The following MCPH1 variants were observed in gnomAD, a reference collection of about 807,000 sequenced individuals.
MCPH1 encodes microcephalin.
Under a neutral mutation model 84.5 loss-of-function variants are expected in MCPH1, and 104 were observed. The observed-to-expected ratio is 1.23, with a 90% CI of 1.05 to 1.45. The LOEUF (loss-of-function observed/expected upper bound fraction) is 1.45, where lower values mean the gene tolerates loss of function less well. MCPH1 is among the 40% of genes most tolerant of loss of function. MCPH1 has a pLI of 0.00. For missense variants in MCPH1, 1,498 were observed against 1,005.7 expected (o/e 1.49, Z -6.62); for synonymous variants, 514 against 366.8 (o/e 1.40, Z -4.58).
intron 12 of MCPH1, among the ~76,000 whole-genome samples, chr8:6,543,688 C>G (rs887187632): frequency 6.6e-6 from 1 of 152,226 alleles, no homozygotes; most frequent in Non-Finnish European, 1.5e-5. Context: ...TCGTGCTTTT[C>G]TGAACTATTT....
intron 12 of MCPH1, among the ~76,000 whole-genome samples, chr8:6,547,209 A>G (rs1487242120): frequency 3.9e-5 from 6 of 152,044 alleles, no homozygotes; most frequent in African/African-American, 1.2e-4. Flanking sequence ...CCATTAGATT[A>G]TACAGAAAAG....
chr8:6,578,038 T>C (rs377079933), intron 12 of MCPH1, among the ~76,000 whole-genome samples: 23 of 152,322 alleles, frequency 1.5e-4, no homozygotes, highest in Middle Eastern at 3.4e-3. Context: ...TCTGCTATGT[T>C]TGGGGAGAGC....
At chr8:6,543,791 G>T (rs1312799003) in intron 12 of MCPH1, among the ~76,000 whole-genome samples, 1 of 152,154 alleles carries the variant, frequency 6.6e-6, no homozygotes, top group African/African-American at 2.4e-5. Flanking sequence ...AAAGCTGCGA[G>T]TTTTTTCATA....
At chr8:6,632,185 A>G (rs540827859) in intron 13 of MCPH1, among the ~76,000 whole-genome samples, 1 of 152,338 alleles carries the variant, frequency 6.6e-6, no homozygotes, top group Non-Finnish European at 1.5e-5. Context: ...AGTAGGCAGG[A>G]AGGGAGTGGA....
intron 9 of MCPH1, 75 bp from the exon 10 acceptor site, chr8:6,477,519 A>T (rs549289900): frequency 1.5e-6 from 2 of 1,342,586 alleles, no homozygotes; most frequent in African/African-American, 1.4e-5. Context: ...AAAACTTATT[A>T]CAGTTTATTT....
intron 9 of MCPH1, chr8:6,474,394 C>T (rs957189145): frequency 3.4e-6 from 1 of 294,908 alleles, no homozygotes; most frequent in African/African-American, 2.2e-5. Flanking sequence ...CTCAGGGAGT[C>T]TGTGGGGTCA....
intron 9 of MCPH1, among the ~76,000 whole-genome samples, chr8:6,471,072 G>A (rs985448813): frequency 3.3e-5 from 5 of 152,064 alleles, no homozygotes; most frequent in Non-Finnish European, 7.4e-5. Context: ...TAAATTTGGG[G>A]GAATGCCTTT....
intron 12 of MCPH1, chr8:6,501,043 A>G (rs1038682181): frequency 6.6e-6 from 1 of 152,206 alleles, no homozygotes; most frequent in African/African-American, 2.4e-5. Flanking sequence ...TCAACTTGAT[A>G]CAAGGCCATG....
chr8:6,407,170 C>T (rs1797850921), intron 1 of MCPH1: 1 of 231,730 alleles, frequency 4.3e-6, no homozygotes, highest in African/African-American at 2.4e-5. Flanking sequence ...TGGGGCCCTC[C>T]TGGGTCTGGT....
chr8:6,411,891 T>C (rs533428410), intron 2 of MCPH1, among the ~76,000 whole-genome samples: 1 of 152,280 alleles, frequency 6.6e-6, no homozygotes, highest in South Asian at 2.1e-4. Context: ...TGTGCTCTTA[T>C]AGGGAGTTTA....
chr8:6,492,640 T>C (rs1015056000), intron 11 of MCPH1, among the ~76,000 whole-genome samples: 3 of 148,208 alleles, frequency 2.0e-5, no homozygotes, highest in Non-Finnish European at 4.5e-5. Flanking sequence ...AATTATTTAA[T>C]AATATTAATA....
intron 12 of MCPH1, among the ~76,000 whole-genome samples, chr8:6,579,115 G>A (rs762371073): frequency 9.2e-5 from 14 of 152,192 alleles, no homozygotes; most frequent in South Asian, 2.1e-4. Context: ...AAGGGAGAAC[G>A]TCTTTCATTC....
intron 12 of MCPH1, among the ~76,000 whole-genome samples, chr8:6,537,827 A>T (rs1820781007): frequency 1.3e-5 from 2 of 152,102 alleles, no homozygotes. Flanking sequence ...AACTATCCCC[A>T]ACTTGGAGAT....
chr8:6,516,655 C>T (rs1816328500), intron 12 of MCPH1, among the ~76,000 whole-genome samples: 1 of 152,124 alleles, frequency 6.6e-6, no homozygotes, highest in Admixed American at 6.5e-5. Flanking sequence ...GAATAAGCTA[C>T]TTTGGTTTGA....
At chr8:6,589,133 C>T (rs567158104) in intron 12 of MCPH1, among the ~76,000 whole-genome samples, 7 of 152,202 alleles carry the variant, frequency 4.6e-5, no homozygotes, top group Non-Finnish European at 8.8e-5. Context: ...CCTGTGGGCT[C>T]GGGGAAGACA....
chr8:6,633,977 G>C (rs886562655), intron 13 of MCPH1, among the ~76,000 whole-genome samples: 25 of 152,202 alleles, frequency 1.6e-4, no homozygotes, highest in Non-Finnish European at 2.6e-4. Flanking sequence ...GCGTCTTACA[G>C]AAGAGTATGG....
At position 6,424,540 on chromosome 8, in the gene MCPH1, A is replaced by G. The variant is rs190951139; in HGVS notation, c.234-6959A>G. ...CGCCTCCTCAGCCTTCTCACCCTGC[A>G]GCCATTCCTTAGTCTTTCACTGGCT... On this transcript the variant is annotated intron_variant, in intron 3 of 13. Coordinates refer to ENST00000344683, the MANE Select transcript of MCPH1 (RefSeq NM_024596.5). Among the ~76,000 whole-genome samples, 178 of 152,304 alleles carry G rather than the reference A, an allele frequency of 1.2e-3. 3 individuals are homozygous for G. In the East Asian group the frequency reaches 0.03, roughly 25 times the overall value.
At chr8:6,561,291 A>T (rs1284343942) in intron 12 of MCPH1, among the ~76,000 whole-genome samples, 4 of 152,250 alleles carry the variant, frequency 2.6e-5, no homozygotes, top group Non-Finnish European at 5.9e-5. Context: ...TGAAATCTAC[A>T]TTTGATAGGT....
intron 9 of MCPH1, among the ~76,000 whole-genome samples, chr8:6,476,091 A>C (rs1474809281): frequency 6.6e-6 from 1 of 152,170 alleles, no homozygotes; most frequent in Admixed American, 6.5e-5. Flanking sequence ...TCCACAGTAC[A>C]ATACAGACAT....
Sources: gnomAD v4.1 joint callset for allele counts (sites outside exome capture counted in the v4.1 genomes callset) on GRCh38, gnomAD v4.1.1 for gene constraint, MANE v1.5 for transcripts, NCBI Gene and HGNC (gene_info 2026-07-23, HGNC 2026-07-21) for gene names.